Variants in USP10 observed in about 807,000 individuals in gnomAD.
USP10 encodes ubiquitin specific peptidase 10.
USP10 carries 22 observed loss-of-function variants against 84.5 expected under a neutral mutation model. That is an observed-to-expected ratio of 0.26 (90% CI 0.19 to 0.37). USP10 has a LOEUF of 0.37. Among genes scored for constraint, USP10 ranks in the 10% least tolerant of loss-of-function variants. USP10 has a pLI of 1.00. For synonymous variants in USP10, 454 were observed against 387.6 expected, an observed-to-expected ratio of 1.17 and a Z score of -2.01; for missense variants, 1,019 against 998.9, an observed-to-expected ratio of 1.02 and a Z score of -0.27.
Position 84,778,981 on chromosome 16 carries a change from G to A in USP10, c.2296G>A (p.Asp766Asn). ...CGGTCTGAATGGCTGGCTGCGCATC[G>A]ATGACCAGACAGTCAAGGTGATCAA... ...QIGLNGWLRI[D>N]DQTVKVINQY... Residue 766 changes from aspartate (D) to asparagine (N), a missense_variant, in exon 14 of 14, where the codon GAT becomes AAT. Asp to Asn is a conservative substitution (Grantham distance 23). Around this residue, in one of 2 missense-constraint regions of USP10, gnomAD observed 232 missense variants for 290.1 expected, o/e 0.80. Transcript: ENST00000219473. 2 of 1,614,008 alleles carry A rather than the reference G, an allele frequency of 1.2e-6. No homozygotes were observed. The highest frequency in any genetic ancestry group is 1.7e-6 in the Non-Finnish European group (2 of 1,179,902).
chr16:84,729,185 A>G (rs554344873), intron 1 of USP10, among the ~76,000 whole-genome samples: 19 of 152,396 alleles, frequency 1.2e-4, no homozygotes, highest in Non-Finnish European at 2.2e-4. Context: ...TTTGTTAAAT[A>G]CAAAAATGAT....
chr16:84,764,513 C>G (rs987221792), intron 10 of USP10, among the ~76,000 whole-genome samples: 1 of 152,180 alleles, frequency 6.6e-6, no homozygotes, highest in Admixed American at 6.5e-5. Flanking sequence ...AGTTCAGCTG[C>G]TCACTGCTAG....
chr16:84,717,993 T>G (rs568655139), intron 1 of USP10, among the ~76,000 whole-genome samples: 434 of 152,314 alleles, frequency 2.8e-3, no homozygotes, highest in African/African-American at 9.8e-3. Flanking sequence ...TTTATGGTAT[T>G]TTCAAAGTTC....
At chr16:84,740,111 C>T (rs1325239797) in intron 2 of USP10, among the ~76,000 whole-genome samples, 198 bp from the exon 3 acceptor site, 3 of 152,126 alleles carry the variant, frequency 2.0e-5, no homozygotes, top group Non-Finnish European at 2.9e-5. Flanking sequence ...TATTTGAAAG[C>T]ATTTCTATTG....
chr16:84,722,057 G>C (rs1907884133), intron 1 of USP10, among the ~76,000 whole-genome samples: 1 of 152,184 alleles, frequency 6.6e-6, no homozygotes, highest in African/African-American at 2.4e-5. Context: ...TCCATATATA[G>C]AACATTTCCA....
intron 1 of USP10, chr16:84,704,847 C>G (rs1166885759): frequency 6.5e-7 from 1 of 1,535,752 alleles, no homozygotes; most frequent in Admixed American, 2.0e-5. Context: ...TTGCCCTCTC[C>G]TGGAATAGGG....
At position 84,733,116 on chromosome 16, in the gene USP10, C is replaced by T. The variant is rs779764742; in HGVS notation, c.22-319C>T. The stretch of plus-strand genomic sequence containing the variant: ...TGAGTCAGCAGAAAGGTAAATGGAA[C>T]AACTGGCAGTATTTGTGAACCAATA... On this transcript the variant is annotated intron_variant, in intron 1 of 13. Coordinates refer to ENST00000219473, the MANE Select transcript of USP10 (RefSeq NM_005153.3). The T allele has an allele frequency of 1.2e-4, 59 of 480,896 alleles. 1 individual carries two copies. The highest frequency in any genetic ancestry group is 8.7e-4 in the South Asian group (56 of 64,716). The allele number at this position is 480,896 out of a possible 1,614,324, so 29.8% of individuals were successfully genotyped here.
chr16:84,761,433 G>A (rs982270537), intron 8 of USP10, among the ~76,000 whole-genome samples: 2 of 152,232 alleles, frequency 1.3e-5, no homozygotes, highest in African/African-American at 4.8e-5. Flanking sequence ...TATACCCGTG[G>A]CTATGGTTGC....
intron 1 of USP10, among the ~76,000 whole-genome samples, chr16:84,707,853 C>T (rs956886548): frequency 1.1e-4 from 17 of 150,502 alleles, no homozygotes; most frequent in Non-Finnish European, 1.8e-4. Context: ...CTGAGGCAGG[C>T]GAATCACTCA....
At chr16:84,775,358 G>A (rs188106625) in intron 13 of USP10, 133 bp downstream of exon 13, 107 of 821,638 alleles carry the variant, frequency 1.3e-4, no homozygotes, top group Middle Eastern at 4.6e-4. Flanking sequence ...CTTGTGAGTC[G>A]GGGAGTCACG....
Position 84,759,758 on chromosome 16 carries a change from A to G in USP10, c.1395-133A>G, listed in dbSNP as rs868600136. The G allele has an allele frequency of 6.6e-6, 6 of 909,004 alleles. No individual in the cohort carries two copies. The African/African-American group carries it at 1.0e-4, about 15-fold the overall frequency. The allele number at this position is 909,004 out of a possible 1,614,324, so 56.3% of individuals were successfully genotyped here. A position where few individuals can be genotyped will look rare whatever the true frequency, so the allele number is the denominator to read the frequency against. ...CATATAGAAGAGACTTGAGTTCACTAGCTGTTACAGCATTGGTTACCTAAA... is the reference window on the plus strand; with the variant it reads ...CATATAGAAGAGACTTGAGTTCACTGGCTGTTACAGCATTGGTTACCTAAA... On this transcript the variant is annotated intron_variant, in intron 6 of 13. Coordinates refer to ENST00000219473, the MANE Select transcript of USP10 (RefSeq NM_005153.3).
In USP10 at chr16:84,740,328, C is replaced by T. The variant is rs905866592; in HGVS notation, c.110C>T (p.Thr37Ile). 4 of 1,612,642 alleles carry T rather than the reference C, an allele frequency of 2.5e-6. No individual in the cohort carries two copies. The South Asian group carries it at 3.3e-5, about 13-fold the overall frequency. ...SSVELPPYSGTVLCGTQAVDK... is the reference protein window; with the variant it reads ...SSVELPPYSGIVLCGTQAVDK... ...GTGCAGCTTCCTCCATACAGTGGAA[C>T]AGTTCTGTGTGGCACACAGGCTGTG... The change falls in exon 3 of 14, where the codon ACA becomes ATA. Residue 37 changes from threonine (T) to isoleucine (I), a missense_variant. Coordinates refer to ENST00000219473, the MANE Select transcript of USP10 (RefSeq NM_005153.3).
chr16:84,776,056 A>G (rs561677488), intron 13 of USP10, among the ~76,000 whole-genome samples: 1 of 152,176 alleles, frequency 6.6e-6, no homozygotes, highest in Admixed American at 6.5e-5. Context: ...CCATTTATTG[A>G]CCTTCACACA....
At chr16:84,775,588 C>A (rs1422380322) in intron 13 of USP10, among the ~76,000 whole-genome samples, 1 of 152,166 alleles carries the variant, frequency 6.6e-6, no homozygotes, top group African/African-American at 2.4e-5. Context: ...ACCTGGTCAC[C>A]CAGCCAGGTT....
chr16:84,703,630 G>A (rs888706194), intron 1 of USP10, among the ~76,000 whole-genome samples: 3 of 152,188 alleles, frequency 2.0e-5, no homozygotes, highest in African/African-American at 7.2e-5. Flanking sequence ...ATGTTGACAG[G>A]GCATTTGGAG....
rs771646820 is a variant in USP10 at position 84,779,297 on chromosome 16, G to C, written c.*215G>C. 2 of 455,678 alleles carry C rather than the reference G, an allele frequency of 4.4e-6. No homozygotes were observed. Among genetic ancestry groups the C allele is most frequent in the Non-Finnish European group, 7.7e-6 (2 of 259,584 alleles). 28.2% of individuals were successfully genotyped at this position (455,678 alleles called of 1,614,324 possible). A position where few individuals can be genotyped will look rare whatever the true frequency, so the allele number is the denominator to read the frequency against. The stretch of plus-strand genomic sequence containing the variant: ...CAAAATCATTTGGTTGAAACAGACT[G>C]TTGCTTGATTTTAGAAAATACACAA... On this transcript the variant is annotated 3_prime_UTR_variant, in exon 14 of 14. Coordinates refer to ENST00000219473, the MANE Select transcript of USP10 (RefSeq NM_005153.3).
At chr16:84,743,509 C>CA (rs1215642668) in intron 3 of USP10, among the ~76,000 whole-genome samples, 1 of 152,118 alleles carries the variant, frequency 6.6e-6, no homozygotes, top group African/African-American at 2.4e-5. Flanking sequence ...CGCAGTAGAA[C>CA]ACCGTTCTTT....
chr16:84,745,962 G>C (rs1470271248), intron 4 of USP10, among the ~76,000 whole-genome samples: 1 of 152,168 alleles, frequency 6.6e-6, no homozygotes. Context: ...AAGTAATTCT[G>C]CTCCACGGTA....
At chr16:84,750,205 C>A (rs1406957063) in intron 4 of USP10, among the ~76,000 whole-genome samples, 2 of 152,028 alleles carry the variant, frequency 1.3e-5, no homozygotes, top group African/African-American at 4.8e-5. Context: ...GCCAGGAGTT[C>A]AAGACCAGCC....
Sources: gnomAD v4.1 joint callset for allele counts (sites outside exome capture counted in the v4.1 genomes callset) on GRCh38, gnomAD v4.1.1 for gene constraint, gnomAD v4.1.1 regional missense constraint, MANE v1.5 for transcripts, NCBI Gene and HGNC (gene_info 2026-07-23, HGNC 2026-07-21) for gene names.